MYO10: variants seen among roughly 807,000 people sequenced by gnomAD.
MYO10 encodes the protein unconventional myosin-X.
MYO10 carries 133 observed loss-of-function variants against 257.3 expected under a neutral mutation model. That is an observed-to-expected ratio of 0.52 (90% CI 0.45 to 0.60). The LOEUF is 0.60. MYO10 is among the 20% of genes least tolerant of loss of function. The pLI is 0.00. For synonymous variants in MYO10, 1,104 were observed against 1,028.6 expected, an observed-to-expected ratio of 1.07 and a Z score of -1.40; for missense variants, 2,399 against 2,635.7, an observed-to-expected ratio of 0.91 and a Z score of 1.97.
chr5:16,768,937 A>G, intron 10 of MYO10, 137 bp downstream of exon 10: 2 of 1,105,454 alleles, frequency 1.8e-6, no homozygotes, highest in South Asian at 2.1e-5. Flanking sequence ...CCACCTCCCA[A>G]AGTGCTGGGG....
chr5:16,935,650 T>G, intron 1 of MYO10, 138 bp downstream of exon 1: 31 of 923,318 alleles, frequency 3.4e-5, no homozygotes, highest in Non-Finnish European at 4.1e-5. Context: ...CGCGGGGGGA[T>G]GGGGGGTGAT....
intron 1 of MYO10, among the ~76,000 whole-genome samples, chr5:16,927,448 C>T (rs1746166465): frequency 6.6e-6 from 1 of 152,122 alleles, no homozygotes; most frequent in Non-Finnish European, 1.5e-5. Flanking sequence ...CCTCATCCTC[C>T]CGAGTAGCTG....
chr5:16,918,793 G>A (rs1160424111), intron 1 of MYO10, among the ~76,000 whole-genome samples: 5 of 152,008 alleles, frequency 3.3e-5, no homozygotes, highest in African/African-American at 7.2e-5. Flanking sequence ...GAGCCACCGC[G>A]CCTGGCCCAC....
At chr5:16,690,377 A>T (rs980994334) in intron 27 of MYO10, among the ~76,000 whole-genome samples, 1 of 152,110 alleles carries the variant, frequency 6.6e-6, no homozygotes, top group Non-Finnish European at 1.5e-5. Context: ...AAAGACATGG[A>T]GGGACCTACA....
chr5:16,933,529 G>C (rs1035220209), intron 1 of MYO10, among the ~76,000 whole-genome samples: 1 of 152,176 alleles, frequency 6.6e-6, no homozygotes, highest in Non-Finnish European at 1.5e-5. Flanking sequence ...AAGCCACAAT[G>C]GGAAAAGTTA....
chr5:16,859,132 C>G (rs1744043288), intron 2 of MYO10, among the ~76,000 whole-genome samples: 1 of 152,150 alleles, frequency 6.6e-6, no homozygotes. Flanking sequence ...TAGAGTGGAA[C>G]AAGCTGGCTT....
chr5:16,702,790 C>G, intron 23 of MYO10, 135 bp downstream of exon 23: 1 of 951,040 alleles, frequency 1.1e-6, no homozygotes, highest in Non-Finnish European at 1.6e-6. Context: ...ATTTTATATT[C>G]TAGCCACCTA....
intron 1 of MYO10, among the ~76,000 whole-genome samples, chr5:16,902,138 CA>C (rs1561049613): frequency 6.6e-6 from 1 of 151,996 alleles, no homozygotes; most frequent in Non-Finnish European, 1.5e-5. Context: ...CTCCACCTCT[CA>C]GATTCAAGTG....
chr5:16,888,167 A>G (rs577203143), intron 1 of MYO10, among the ~76,000 whole-genome samples: 2 of 152,204 alleles, frequency 1.3e-5, no homozygotes, highest in South Asian at 4.2e-4. Context: ...CTTCCACCAA[A>G]TATCTCCTAA....
intron 1 of MYO10, among the ~76,000 whole-genome samples, chr5:16,918,667 AT>A (rs1745895830): frequency 6.6e-6 from 1 of 151,626 alleles, no homozygotes; most frequent in Non-Finnish European, 1.5e-5. Context: ...CGCCTGGCTA[AT>A]TTTTGTATTT....
At chr5:16,926,260 C>G (rs555542547) in intron 1 of MYO10, among the ~76,000 whole-genome samples, 1 of 152,204 alleles carries the variant, frequency 6.6e-6, no homozygotes, top group East Asian at 1.9e-4. Context: ...AATTAAAATA[C>G]TTTGTAGTAC....
At chr5:16,722,286 T>A (rs1307976895) in intron 19 of MYO10, among the ~76,000 whole-genome samples, 1 of 152,214 alleles carries the variant, frequency 6.6e-6, no homozygotes, top group African/African-American at 2.4e-5. Context: ...GAACTCCCCA[T>A]TAAATTACAC....
In MYO10 at chr5:16,784,892, G is replaced by T. The variant is rs1209234747; in HGVS notation, c.468-1423C>A. Among the ~76,000 whole-genome samples the T allele has an allele frequency of 2.6e-5, 4 of 152,200 alleles. No individual in the cohort carries two copies. In the East Asian group the frequency reaches 5.8e-4, roughly 22 times the overall value. On this transcript the variant is annotated intron_variant, in intron 4 of 40. Transcript: ENST00000513610. ...ATCTCCACTGGTCTAGACAACCACA[G>T]TCCTTTCACCTGCTCTGCTAGCGAC...
At chr5:16,789,014 G>T (rs1054322226) in intron 4 of MYO10, among the ~76,000 whole-genome samples, 1 of 152,174 alleles carries the variant, frequency 6.6e-6, no homozygotes, top group Non-Finnish European at 1.5e-5. Flanking sequence ...GAAGGAAAAG[G>T]AATCTGATAC....
chr5:16,777,935 G>A (rs1024539079), intron 9 of MYO10, among the ~76,000 whole-genome samples: 7 of 127,082 alleles, frequency 5.5e-5, no homozygotes, highest in African/African-American at 9.1e-5. Flanking sequence ...TGCAACCTCC[G>A]CCTCCCAGGT....
intron 19 of MYO10, among the ~76,000 whole-genome samples, chr5:16,723,760 T>A (rs1014216837): frequency 3.9e-5 from 6 of 152,196 alleles, no homozygotes; most frequent in Non-Finnish European, 7.3e-5. Flanking sequence ...GGTATATCCA[T>A]ACAATGAAAT....
intron 19 of MYO10, among the ~76,000 whole-genome samples, chr5:16,719,989 C>CGTGCGTGTGT (rs1554039262): frequency 3.8e-4 from 54 of 143,558 alleles, no homozygotes; most frequent in African/African-American, 1.3e-3. Flanking sequence ...TGTGTGCGTG[C>CGTGCGTGTGT]GTGTGTGTGT....
intron 1 of MYO10, among the ~76,000 whole-genome samples, chr5:16,881,963 T>A (rs964819893): frequency 6.6e-6 from 1 of 152,182 alleles, no homozygotes; most frequent in Non-Finnish European, 1.5e-5. Flanking sequence ...GATTAAAAAA[T>A]TGCCTTTATA....
At chr5:16,837,217 G>A (rs954028453) in intron 2 of MYO10, among the ~76,000 whole-genome samples, 2 of 152,088 alleles carry the variant, frequency 1.3e-5, no homozygotes, top group Non-Finnish European at 2.9e-5. Context: ...GGCTGAAGCA[G>A]GAGAATTGCT....
Sources: allele counts gnomAD v4.1 joint callset (sites outside exome capture counted in the v4.1 genomes callset), GRCh38; gene constraint gnomAD v4.1.1; transcripts MANE v1.5; gene names NCBI Gene and HGNC (gene_info 2026-07-23, HGNC 2026-07-21).